The following RGSL1 variants were observed in gnomAD, a reference collection of about 807,000 sequenced individuals.
The protein encoded by RGSL1 is regulator of G protein signaling protein-like.
RGSL1 carries 97 observed loss-of-function variants against 124.7 expected under a neutral mutation model. The observed-to-expected ratio is 0.78, with a 90% confidence interval of 0.66 to 0.92. The LOEUF (loss-of-function observed/expected upper bound fraction) is 0.92. Ranked by LOEUF, RGSL1 falls within the 40% of genes least tolerant of loss-of-function variation. The pLI, the probability that RGSL1 is intolerant of heterozygous loss-of-function variation, is 0.00. For synonymous variants in RGSL1, 424 were observed against 438.1 expected, an observed-to-expected ratio of 0.97 and a Z score of 0.40; for missense variants, 1,233 against 1,288.4, an observed-to-expected ratio of 0.96 and a Z score of 0.66.
At chr1:182,525,542 A>G (rs1658679789) in intron 10 of RGSL1, among the ~76,000 whole-genome samples, 1 of 150,954 alleles carries the variant, frequency 6.6e-6, no homozygotes, top group Non-Finnish European at 1.5e-5. Flanking sequence ...TAAGTTGACA[A>G]AAGAATCATA....
chr1:182,494,164 A>C (rs550674318), intron 9 of RGSL1, among the ~76,000 whole-genome samples: 2 of 152,240 alleles, frequency 1.3e-5, no homozygotes, highest in African/African-American at 4.8e-5. Flanking sequence ...CTATCATACA[A>C]ATTGGGCCAG....
intron 1 of RGSL1, among the ~76,000 whole-genome samples, chr1:182,453,752 TCCC>T (rs1221937637): frequency 6.6e-6 from 1 of 152,024 alleles, no homozygotes; most frequent in Non-Finnish European, 1.5e-5. Context: ...GTCAGTGAGC[TCCC>T]CACAGCTGGG....
chr1:182,538,136 T>G (rs60169774), intron 14 of RGSL1, among the ~76,000 whole-genome samples: 183 of 152,282 alleles, frequency 1.2e-3, no homozygotes, highest in African/African-American at 4.1e-3. Context: ...TAAAAACTGT[T>G]TCAATATATT....
chr1:182,450,172 A>G lies in RGSL1; in HGVS notation c.7A>G (p.Ser3Gly). MS[S>G]AEIIGSTNLI... is the part of the protein sequence containing the mutation. ...TCAGGAAGAGCATGGCAACATGAGC[A>G]GTGCTGGTGAGTCTCTGCCAGGGAT... Residue 3 changes from serine to glycine, a missense_variant, in exon 1 of 22, where the codon AGT becomes GGT. Coordinates refer to ENST00000294854, the MANE Select transcript of RGSL1 (RefSeq NM_001137669.2). 2 of 1,552,150 alleles carry G rather than the reference A, an allele frequency of 1.3e-6. No homozygotes were observed. The highest frequency in any genetic ancestry group is 2.4e-5 in the East Asian group (1 of 40,922).
At position 182,465,960 on chromosome 1, in the gene RGSL1, A is replaced by G. The variant is rs1027169043; in HGVS notation, c.301+5827A>G. Among the ~76,000 whole-genome samples, 9 of 152,264 alleles carry G rather than the reference A, an allele frequency of 5.9e-5. 1 individual carries two copies. The highest frequency in any genetic ancestry group is 1.9e-4 in the East Asian group (1 of 5,188). Reference sequence around the variant, plus strand: ...TTCAACAGTATATTAAAAGGATTAAACACCATGACCAAAAGGGATATTTTT... The same window carrying G: ...TTCAACAGTATATTAAAAGGATTAAGCACCATGACCAAAAGGGATATTTTT... On this transcript the variant is annotated intron_variant, in intron 4 of 21. Transcript: ENST00000294854.
chr1:182,523,582 A>G (rs1471433412), intron 10 of RGSL1, among the ~76,000 whole-genome samples: 1 of 152,234 alleles, frequency 6.6e-6, no homozygotes, highest in Non-Finnish European at 1.5e-5. Context: ...CTGTAAGATC[A>G]TTAAGTCCTA....
intron 9 of RGSL1, among the ~76,000 whole-genome samples, chr1:182,517,551 C>T (rs1186562847): frequency 6.6e-6 from 1 of 151,812 alleles, no homozygotes; most frequent in East Asian, 1.9e-4. Flanking sequence ...TTGTAGGCAA[C>T]CTTTGTTGAT....
In RGSL1 at chr1:182,500,553, G is replaced by A. The variant is rs116181653; in HGVS notation, c.1825+7424G>A. Among the ~76,000 whole-genome samples the A allele has an allele frequency of 4.1e-3, 626 of 152,114 alleles. 5 individuals carry two copies. The highest frequency in any genetic ancestry group is 0.014 in the African/African-American group (596 of 41,522). ...TCCATTTTTTCAAAAAATAATCATC[G>A]GGGTTTGAATTGAGATTGTACTGAA... On this transcript the variant is annotated intron_variant, in intron 9 of 21. Coordinates refer to ENST00000294854, the MANE Select transcript of RGSL1 (RefSeq NM_001137669.2).
chr1:182,558,336 G>C (rs183083306), intron 21 of RGSL1, among the ~76,000 whole-genome samples: 7 of 152,254 alleles, frequency 4.6e-5, no homozygotes, highest in African/African-American at 1.7e-4. Flanking sequence ...GAGGGACCAG[G>C]TAAGGAACCT....
chr1:182,539,255 A>G (rs1368282047), intron 14 of RGSL1, among the ~76,000 whole-genome samples: 2 of 151,426 alleles, frequency 1.3e-5, no homozygotes, highest in African/African-American at 4.8e-5. Context: ...CATCATATCA[A>G]TTTCCACTGT....
intron 11 of RGSL1, among the ~76,000 whole-genome samples, chr1:182,529,548 A>G (rs1558389915): frequency 6.6e-6 from 1 of 152,176 alleles, no homozygotes; most frequent in Non-Finnish European, 1.5e-5. Context: ...GTTGCAAATA[A>G]TGCAAAGTAA....
intron 7 of RGSL1, chr1:182,488,583 G>T: frequency 2.2e-6 from 1 of 461,546 alleles, no homozygotes. Flanking sequence ...AAAATTAGCC[G>T]GGCGTAGTGG....
Position 182,520,478 on chromosome 1 carries a change from T to C in RGSL1, c.1826-1526T>C, listed in dbSNP as rs553472842. On this transcript the variant is annotated intron_variant, in intron 9 of 21. Transcript: ENST00000294854. The stretch of plus-strand genomic sequence containing the variant: ...TTTTCTAAAGACCTATGGCTTTGTC[T>C]TGTGTCCCATTGTGACTTTAACACT... Among the ~76,000 whole-genome samples, 7 of 152,352 alleles carry C rather than the reference T, an allele frequency of 4.6e-5. No homozygotes were observed. The South Asian group carries it at 1.0e-3, about 23-fold the overall frequency.
At chr1:182,525,050 T>A (rs780094872) in intron 10 of RGSL1, among the ~76,000 whole-genome samples, 1 of 152,038 alleles carries the variant, frequency 6.6e-6, no homozygotes, top group Non-Finnish European at 1.5e-5. Flanking sequence ...AGCCACACAC[T>A]TTAGGGGAGA....
At chr1:182,527,001 T>G (rs1473148709) in intron 10 of RGSL1, among the ~76,000 whole-genome samples, 1 of 152,166 alleles carries the variant, frequency 6.6e-6, no homozygotes, top group Non-Finnish European at 1.5e-5. Context: ...GCAGTTGAAA[T>G]GTAGAAGTGG....
At chr1:182,517,267 CTCT>C (rs1382600691) in intron 9 of RGSL1, among the ~76,000 whole-genome samples, 3 of 135,282 alleles carry the variant, frequency 2.2e-5, no homozygotes, top group African/African-American at 8.4e-5. Flanking sequence ...TGCTATTAGC[CTCT>C]TTTCTATTTC....
At chr1:182,537,967 C>G (rs1479715221) in intron 14 of RGSL1, among the ~76,000 whole-genome samples, 1 of 152,098 alleles carries the variant, frequency 6.6e-6, no homozygotes, top group Non-Finnish European at 1.5e-5. Context: ...AGGTCCATCT[C>G]CTTAATTCAG....
At chr1:182,519,860 G>T (rs1658197238) in intron 9 of RGSL1, among the ~76,000 whole-genome samples, 2 of 151,906 alleles carry the variant, frequency 1.3e-5, no homozygotes, top group South Asian at 4.2e-4. Context: ...TCTACTAGTT[G>T]TTACTTTTCT....
chr1:182,499,075 G>A (rs966328458), intron 9 of RGSL1, among the ~76,000 whole-genome samples: 9 of 152,196 alleles, frequency 5.9e-5, no homozygotes, highest in African/African-American at 2.2e-4. Flanking sequence ...TTACAGGCGC[G>A]AGCCCCGGCA....
Sources: allele counts gnomAD v4.1 joint callset (sites outside exome capture counted in the v4.1 genomes callset), GRCh38; gene constraint gnomAD v4.1.1; transcripts MANE v1.5; gene names NCBI Gene and HGNC (gene_info 2026-07-23, HGNC 2026-07-21).